Variants in TNFRSF10A observed in about 807,000 individuals in gnomAD.
TNFRSF10A encodes TNF receptor superfamily member 10a.
Under a neutral mutation model 42.8 loss-of-function variants are expected in TNFRSF10A, and 44 were observed. The ratio of observed to expected loss-of-function variants is 1.03; its 90% CI spans 0.81 to 1.32. The LOEUF is 1.32. TNFRSF10A is among the 40% of genes most tolerant of loss of function. The pLI is 0.00. For missense variants in TNFRSF10A, 680 were observed against 602.0 expected (o/e 1.13, Z -1.36); for synonymous variants, 259 against 234.2 (o/e 1.11, Z -0.97).
At chr8:23,212,269 G>C in intron 1 of TNFRSF10A, 57 bp from the exon 2 acceptor site, 1 of 1,450,886 alleles carries the variant, frequency 6.9e-7, no homozygotes, top group Non-Finnish European at 9.7e-7. Context: ...CCCATTACAA[G>C]ATCAATCTCA....
At chr8:23,202,580 A>G in intron 3 of TNFRSF10A, 68 bp downstream of exon 3, 3 of 1,308,662 alleles carry the variant, frequency 2.3e-6, no homozygotes, top group Non-Finnish European at 3.3e-6. Context: ...CCTGACTCAC[A>G]TTGGCTACCA....
intron 2 of TNFRSF10A, among the ~76,000 whole-genome samples, chr8:23,206,074 A>G (rs1256252817): frequency 6.6e-6 from 1 of 152,228 alleles, no homozygotes; most frequent in African/African-American, 2.4e-5. Flanking sequence ...AAAAAAGTTT[A>G]AGTTAAAAAT....
chr8:23,191,760 G>C lies in TNFRSF10A; in HGVS notation c.1341C>G (p.Leu447=), dbSNP rs77368365. Residue 447 remains leucine (L), a synonymous_variant, in exon 10 of 10, where the codon CTC becomes CTG. Coordinates refer to ENST00000221132, the MANE Select transcript of TNFRSF10A (RefSeq NM_003844.4). The part of the protein sequence containing the change: ...ERHAREKIQD[L]LVDSGKFIYL... ...AGATGAACTTTCCAGAGTCCACCAA[G>C]AGGTCCTGAATCTTCTCTCTTGCAT... is the stretch of plus-strand genomic sequence containing the variant. 3.7e-4 allele frequency: 600 copies of C among 1,614,180 alleles called. 3 individuals carry two copies. The African/African-American group carries it at 7.0e-3, about 19-fold the overall frequency.
intron 2 of TNFRSF10A, chr8:23,207,380 G>C: frequency 1.8e-6 from 1 of 564,842 alleles, no homozygotes; most frequent in Non-Finnish European, 3.4e-6. Flanking sequence ...ACTGAATCCA[G>C]CTGGCTAATT....
chr8:23,199,579 TCCAGGACCTGCTGCTGGGG>T, intron 7 of TNFRSF10A, 131 bp from the exon 8 acceptor site: 1 of 1,151,968 alleles, frequency 8.7e-7, no homozygotes, highest in Non-Finnish European at 1.2e-6. Context: ...GCTCAGCACA[TCCAGGACCTGCTGCTGGGG>T]CCAGGCCCTG....
chr8:23,220,083 G>A (rs1420311579), intron 1 of TNFRSF10A, among the ~76,000 whole-genome samples: 1 of 152,154 alleles, frequency 6.6e-6, no homozygotes, highest in Non-Finnish European at 1.5e-5. Context: ...AGTGCACCCT[G>A]CTCTTCCCTA....
At chr8:23,215,134 A>G (rs147216533) in intron 1 of TNFRSF10A, among the ~76,000 whole-genome samples, 8 of 152,328 alleles carry the variant, frequency 5.3e-5, no homozygotes, top group African/African-American at 1.9e-4. Flanking sequence ...GCTTGCTCTC[A>G]GGTGGTTCAA....
chr8:23,223,777 G>A (rs1000562719), intron 1 of TNFRSF10A, among the ~76,000 whole-genome samples: 2 of 152,186 alleles, frequency 1.3e-5, no homozygotes, highest in Non-Finnish European at 2.9e-5. Context: ...GAGAACTGAA[G>A]GCATTGGCAT....
chr8:23,207,055 C>A, intron 2 of TNFRSF10A: 1 of 473,258 alleles, frequency 2.1e-6, no homozygotes, highest in South Asian at 1.8e-5. Context: ...ACCCACCTTC[C>A]GGTGGCCCAA....
intron 1 of TNFRSF10A, 83 bp downstream of exon 1, chr8:23,224,673 C>T (rs1350732507): frequency 3.4e-6 from 5 of 1,469,000 alleles, no homozygotes; most frequent in African/African-American, 1.4e-5. Flanking sequence ...GGGCCAGGCA[C>T]CCCCGCCGCG....
At chr8:23,224,515 G>A in intron 1 of TNFRSF10A, 3 of 550,722 alleles carry the variant, frequency 5.4e-6, no homozygotes, top group East Asian at 6.7e-5. Context: ...AGCCAACGGG[G>A]TGGAGTCCCC....
At chr8:23,222,735 G>T (rs1291730845) in intron 1 of TNFRSF10A, among the ~76,000 whole-genome samples, 1 of 152,128 alleles carries the variant, frequency 6.6e-6, no homozygotes, top group Non-Finnish European at 1.5e-5. Context: ...TTGGGGTTTG[G>T]GGTGGATCCC....
At chr8:23,211,793 C>T (rs1044836948) in intron 2 of TNFRSF10A, among the ~76,000 whole-genome samples, 1 of 152,174 alleles carries the variant, frequency 6.6e-6, no homozygotes, top group Non-Finnish European at 1.5e-5. Context: ...ATCATTTCAA[C>T]GAATGGCAAC....
chr8:23,222,184 T>C (rs1311935722), intron 1 of TNFRSF10A, among the ~76,000 whole-genome samples: 1 of 152,174 alleles, frequency 6.6e-6, no homozygotes, highest in African/African-American at 2.4e-5. Flanking sequence ...GCCACACTTT[T>C]GTATTCTTGG....
chr8:23,222,517 G>A (rs1271321722), intron 1 of TNFRSF10A, among the ~76,000 whole-genome samples: 1 of 152,210 alleles, frequency 6.6e-6, no homozygotes, highest in Non-Finnish European at 1.5e-5. Flanking sequence ...ATACTTGCAT[G>A]TACTGATAGA....
intron 9 of TNFRSF10A, among the ~76,000 whole-genome samples, chr8:23,194,779 G>A (rs1356919217): frequency 6.6e-6 from 1 of 152,170 alleles, no homozygotes; most frequent in Non-Finnish European, 1.5e-5. Flanking sequence ...ATGTAAATGG[G>A]ATGTTTTAAG....
chr8:23,204,526 G>C (rs138644717), intron 2 of TNFRSF10A, among the ~76,000 whole-genome samples: 13 of 152,260 alleles, frequency 8.5e-5, no homozygotes, highest in Non-Finnish European at 1.6e-4. Context: ...GAAAGTAGTA[G>C]ACTTGAACAA....
chr8:23,200,947 A>G (rs1423674411), intron 4 of TNFRSF10A, among the ~76,000 whole-genome samples, 187 bp from the exon 5 acceptor site: 1 of 152,134 alleles, frequency 6.6e-6, no homozygotes, highest in Non-Finnish European at 1.5e-5. Context: ...GAGCATGCAC[A>G]CTTTACCCCC....
chr8:23,205,952 G>A lies in TNFRSF10A; in HGVS notation c.404-3191C>T, dbSNP rs569691770. ...AGGATGGTCTCGATCTCCTGACCTC[G>A]TGATCCGCCTGCCTTGGCCTCCCAA... On this transcript the variant is annotated intron_variant, in intron 2 of 9. Transcript: ENST00000221132. Among the ~76,000 whole-genome samples the A allele has an allele frequency of 1.3e-3, 199 of 152,028 alleles. 3 individuals are homozygous for A. Among genetic ancestry groups the A allele is most frequent in the African/African-American group, 4.5e-3 (187 of 41,486 alleles).
Sources: allele counts gnomAD v4.1 joint callset (sites outside exome capture counted in the v4.1 genomes callset), GRCh38; gene constraint gnomAD v4.1.1; transcripts MANE v1.5; gene names NCBI Gene and HGNC (gene_info 2026-07-23, HGNC 2026-07-21).